Variants in PLS1 observed in about 807,000 individuals in gnomAD.
The protein encoded by PLS1 is plastin 1, also known as plastin-1.
Under a neutral mutation model 73.7 loss-of-function variants are expected in PLS1, and 32 were observed. The ratio of observed to expected loss-of-function variants is 0.43; its 90% CI spans 0.33 to 0.58. The LOEUF (loss-of-function observed/expected upper bound fraction) is 0.58. PLS1 is among the 20% of genes least tolerant of loss of function. The pLI is 0.04. For missense variants in PLS1, 633 were observed against 740.5 expected, an observed-to-expected ratio of 0.85 and a Z score of 1.68; for synonymous variants, 217 against 261.3, an observed-to-expected ratio of 0.83 and a Z score of 1.63.
chr3:142,614,481 A>G (rs1370425381), intron 1 of PLS1, among the ~76,000 whole-genome samples: 2 of 152,252 alleles, frequency 1.3e-5, no homozygotes, highest in African/African-American at 4.8e-5. Context: ...GCCCAGTGTT[A>G]CCATACAGGA....
chr3:142,658,515 C>T (rs1225629587), intron 1 of PLS1, among the ~76,000 whole-genome samples: 1 of 151,770 alleles, frequency 6.6e-6, no homozygotes, highest in Non-Finnish European at 1.5e-5. Flanking sequence ...TCAGCCCTAC[C>T]CTGCAAGCCC....
At chr3:142,630,681 G>A (rs2036538246) in intron 1 of PLS1, among the ~76,000 whole-genome samples, 2 of 151,974 alleles carry the variant, frequency 1.3e-5, no homozygotes, top group Non-Finnish European at 2.9e-5. Flanking sequence ...AAACCAGAAG[G>A]TGGAGGTTGC....
intron 1 of PLS1, among the ~76,000 whole-genome samples, chr3:142,613,783 A>G (rs1341882373): frequency 6.6e-6 from 1 of 152,010 alleles, no homozygotes; most frequent in Non-Finnish European, 1.5e-5. Context: ...ATCTTTGTAC[A>G]CTTTTATTGC....
intron 1 of PLS1, among the ~76,000 whole-genome samples, chr3:142,636,345 A>G (rs2036690174): frequency 6.6e-6 from 1 of 152,248 alleles, no homozygotes; most frequent in East Asian, 1.9e-4. Flanking sequence ...CAGTGGAGAA[A>G]CAATAATTGC....
At chr3:142,669,158 C>T (rs1266991747) in intron 2 of PLS1, among the ~76,000 whole-genome samples, 2 of 152,150 alleles carry the variant, frequency 1.3e-5, no homozygotes, top group Non-Finnish European at 2.9e-5. Flanking sequence ...GCAGTCCCCT[C>T]ACCTTAGTCT....
rs760028243 is a variant in PLS1, at chr3:142,697,910, C to G, written c.1257-43C>G. Reference sequence around the variant, plus strand: ...GTACTTAATAAAATTAGGTAATACCCAACATTTCCTCCTCCTTTATCTGCT... The same window carrying G: ...GTACTTAATAAAATTAGGTAATACCGAACATTTCCTCCTCCTTTATCTGCT... On this transcript the variant is annotated intron_variant, in intron 11 of 15. Transcript: ENST00000457734. 3.6e-6 allele frequency: 4 copies of G among 1,114,488 alleles called. No homozygotes were observed. In the African/African-American group the frequency reaches 4.6e-5, roughly 13 times the overall value. The allele number at this position is 1,114,488 out of a possible 1,614,324, so 69.0% of individuals were successfully genotyped here.
chr3:142,600,876 TCATATATATA>T (rs1413177459), intron 1 of PLS1, among the ~76,000 whole-genome samples: 287 of 65,232 alleles, frequency 4.4e-3, no homozygotes, highest in African/African-American at 6.3e-3. Flanking sequence ...TGGCCTGGTT[TCATATATATA>T]TATATATATA....
intron 1 of PLS1, among the ~76,000 whole-genome samples, chr3:142,663,481 T>C (rs2037415650): frequency 6.6e-6 from 1 of 152,088 alleles, no homozygotes; most frequent in Non-Finnish European, 1.5e-5. Context: ...GAGGACTGCT[T>C]AAGGCTAGGA....
chr3:142,619,871 A>G (rs2036283358), intron 1 of PLS1, among the ~76,000 whole-genome samples: 1 of 152,136 alleles, frequency 6.6e-6, no homozygotes, highest in Non-Finnish European at 1.5e-5. Flanking sequence ...CTGTCAGATT[A>G]CTCAGAGGTA....
At chr3:142,642,517 A>G (rs2036862891) in intron 1 of PLS1, among the ~76,000 whole-genome samples, 1 of 152,148 alleles carries the variant, frequency 6.6e-6, no homozygotes, top group Non-Finnish European at 1.5e-5. Flanking sequence ...TTTTGAATCC[A>G]TTGCTGCTAA....
intron 2 of PLS1, among the ~76,000 whole-genome samples, chr3:142,668,567 C>T (rs1210624314): frequency 6.6e-6 from 1 of 151,648 alleles, no homozygotes; most frequent in East Asian, 1.9e-4. Flanking sequence ...TGAGTGGGTG[C>T]TCCCTTTTTA....
intron 6 of PLS1, among the ~76,000 whole-genome samples, chr3:142,681,153 C>T (rs998226539): frequency 1.3e-5 from 2 of 151,954 alleles, no homozygotes; most frequent in Non-Finnish European, 2.9e-5. Flanking sequence ...CTGTGGCTAC[C>T]GCAAAATACT....
chr3:142,672,499 C>A (rs759998520), intron 4 of PLS1, among the ~76,000 whole-genome samples: 3 of 151,830 alleles, frequency 2.0e-5, no homozygotes, highest in Non-Finnish European at 4.4e-5. Flanking sequence ...CCCGCCAACA[C>A]GCCCAGCTAA....
intron 1 of PLS1, among the ~76,000 whole-genome samples, chr3:142,659,375 G>T (rs1560053875): frequency 6.6e-6 from 1 of 152,084 alleles, no homozygotes; most frequent in Non-Finnish European, 1.5e-5. Context: ...CATAGATTTT[G>T]CTTTGTAAAG....
chr3:142,618,774 AGAAAGGTTCTCT>A (rs1238629640), intron 1 of PLS1, among the ~76,000 whole-genome samples: 1 of 152,136 alleles, frequency 6.6e-6, no homozygotes, highest in African/African-American at 2.4e-5. Flanking sequence ...GAGCCAGCAG[AGAAAGGTTCTCT>A]GCTTTTAAAG....
intron 15 of PLS1, 89 bp from the exon 16 acceptor site, chr3:142,711,783 A>T: frequency 6.8e-7 from 1 of 1,469,080 alleles, no homozygotes; most frequent in Non-Finnish European, 9.4e-7. Context: ...CGTAAAACTA[A>T]TCTTGTCAAA....
intron 3 of PLS1, 23 bp downstream of exon 3, chr3:142,669,576 G>A (rs2037561391): frequency 6.3e-7 from 1 of 1,581,068 alleles, no homozygotes; most frequent in Non-Finnish European, 8.7e-7. Context: ...ATCCTTTCGG[G>A]CTACTGATAA....
intron 9 of PLS1, 49 bp from the exon 10 acceptor site, chr3:142,689,569 T>A (rs986942605): frequency 2.7e-6 from 3 of 1,126,108 alleles, no homozygotes; most frequent in Admixed American, 5.5e-5. Context: ...CCAATAAAAA[T>A]TATGCCAATT....
rs762286308 is a variant in PLS1 at position 142,703,914 on chromosome 3, A to G, written c.1418A>G (p.Lys473Arg). Residue 473 changes from lysine to arginine, a missense_variant, in exon 13 of 16, where the codon AAA (lysine) becomes AGA (arginine). Coordinates refer to ENST00000457734, the MANE Select transcript of PLS1 (RefSeq NM_001145319.2). The part of the protein sequence containing the change: ...YAVELGKNKA[K>R]FSLVGIAGQD... ...GTGGAACTTGGGAAGAACAAGGCCA[A>G]ATTCTCCTTGGTTGGCATTGCTGGG... The G allele has an allele frequency of 1.1e-5, 18 of 1,612,902 alleles. 1 individual carries two copies. In the South Asian group the frequency reaches 1.8e-4, roughly 16 times the overall value.
Sources: allele counts gnomAD v4.1 joint callset (sites outside exome capture counted in the v4.1 genomes callset), GRCh38; gene constraint gnomAD v4.1.1; transcripts MANE v1.5; gene names NCBI Gene and HGNC (gene_info 2026-07-23, HGNC 2026-07-21).